The following DLGAP1 variants were observed in gnomAD, a reference collection of about 807,000 sequenced individuals.
DLGAP1 encodes disks large-associated protein 1.
In DLGAP1, 11 loss-of-function variants were observed where a neutral mutation model predicts 90.8. The ratio of observed to expected loss-of-function variants is 0.12; its 90% CI spans 0.08 to 0.20. The LOEUF (loss-of-function observed/expected upper bound fraction) is 0.20. DLGAP1 is among the 10% of genes least tolerant of loss of function. The pLI is 1.00. For missense variants in DLGAP1, 1,050 were observed against 1,333.8 expected (o/e 0.79, Z 3.31); for synonymous variants, 558 against 540.7 (o/e 1.03, Z -0.44).
intron 8 of DLGAP1, among the ~76,000 whole-genome samples, chr18:3,569,289 C>T (rs187078109): frequency 7.0e-4 from 106 of 152,026 alleles, no homozygotes; most frequent in African/African-American, 2.2e-3. Context: ...CGTGAGCCAC[C>T]GCACCTGGAC....
At chr18:4,298,877 C>A (rs552350343) in intron 1 of DLGAP1, among the ~76,000 whole-genome samples, 1 of 151,780 alleles carries the variant, frequency 6.6e-6, no homozygotes, top group African/African-American at 2.4e-5. Context: ...GTCAAGAGAT[C>A]GAAACTATCC....
chr18:4,268,724 C>A (rs946867592), intron 1 of DLGAP1, among the ~76,000 whole-genome samples: 1 of 152,058 alleles, frequency 6.6e-6, no homozygotes, highest in Non-Finnish European at 1.5e-5. Context: ...AATTATTGAA[C>A]TTGAAATACT....
intron 3 of DLGAP1, among the ~76,000 whole-genome samples, chr18:3,912,863 T>A (rs552397037): frequency 6.6e-6 from 1 of 152,276 alleles, no homozygotes; most frequent in South Asian, 2.1e-4. Context: ...AGTCCTTTGG[T>A]GACTGTGTAG....
intron 1 of DLGAP1, among the ~76,000 whole-genome samples, chr18:4,254,975 T>C (rs1169235157): frequency 6.6e-6 from 1 of 152,168 alleles, no homozygotes; most frequent in African/African-American, 2.4e-5. Context: ...CGCTGAGCCT[T>C]GAAGAGGCCA....
intron 1 of DLGAP1, among the ~76,000 whole-genome samples, chr18:4,369,666 G>A (rs574198859): frequency 1.3e-5 from 2 of 152,014 alleles, no homozygotes; most frequent in Admixed American, 1.3e-4. Flanking sequence ...GGCTCTCGGG[G>A]AATAAAGAGG....
At chr18:4,382,578 T>A (rs1331528797) in intron 1 of DLGAP1, among the ~76,000 whole-genome samples, 2 of 151,652 alleles carry the variant, frequency 1.3e-5, no homozygotes, top group Non-Finnish European at 2.9e-5. Flanking sequence ...CTGGAACAAA[T>A]CTGGAGGACA....
chr18:3,773,952 T>C (rs1023198575), intron 5 of DLGAP1, among the ~76,000 whole-genome samples: 8 of 152,152 alleles, frequency 5.3e-5, no homozygotes, highest in African/African-American at 1.9e-4. Flanking sequence ...AGCTGGGAAA[T>C]GAGACTTCTT....
At chr18:3,518,199 T>G (rs2050958080) in intron 10 of DLGAP1, among the ~76,000 whole-genome samples, 1 of 152,194 alleles carries the variant, frequency 6.6e-6, no homozygotes, top group South Asian at 2.1e-4. Context: ...AATATTATTG[T>G]GACTCAAGGC....
chr18:3,881,916 C>T (rs554298779), intron 3 of DLGAP1, among the ~76,000 whole-genome samples: 17 of 149,078 alleles, frequency 1.1e-4, no homozygotes, highest in Non-Finnish European at 1.9e-4. Context: ...CCGTCTGTCT[C>T]AGAACAAACA....
rs1598297581 is a variant in DLGAP1 at position 4,045,554 on chromosome 18, G to A, written c.-158-40353C>T. 3.3e-5 allele frequency among the ~76,000 whole-genome samples: 5 copies of A among 149,594 alleles called. No individual in the cohort carries two copies. In the South Asian group the frequency reaches 6.3e-4, roughly 19 times the overall value. On this transcript the variant is annotated intron_variant, in intron 2 of 12. Coordinates refer to ENST00000315677, the MANE Select transcript of DLGAP1 (RefSeq NM_004746.4). ...GTTGAGGCTGCAGTGAGCCATGATC[G>A]TGTCACTACTGCACTCCAGCCTGGG... is the stretch of plus-strand genomic sequence containing the variant.
intron 7 of DLGAP1, among the ~76,000 whole-genome samples, chr18:3,665,638 A>T (rs1021758559): frequency 6.6e-6 from 1 of 152,238 alleles, no homozygotes; most frequent in Non-Finnish European, 1.5e-5. Context: ...TCTGTGTACG[A>T]TATTTCATTA....
At chr18:3,784,866 G>A (rs369919945) in intron 5 of DLGAP1, among the ~76,000 whole-genome samples, 13 of 152,170 alleles carry the variant, frequency 8.5e-5, no homozygotes, top group African/African-American at 3.1e-4. Flanking sequence ...CCCTGGCCTC[G>A]TCTTCTACCC....
chr18:3,567,732 A>C (rs2054518507), intron 8 of DLGAP1, 151 bp from the exon 9 acceptor site: 4 of 667,884 alleles, frequency 6.0e-6, no homozygotes, highest in Non-Finnish European at 1.0e-5. Context: ...CACTACCTTC[A>C]CTGCACGCTC....
chr18:3,891,116 C>G (rs1244481118), intron 3 of DLGAP1, among the ~76,000 whole-genome samples: 1 of 152,192 alleles, frequency 6.6e-6, no homozygotes, highest in Non-Finnish European at 1.5e-5. Context: ...CATAAGTTTT[C>G]TTGTTCTCTT....
At chr18:3,730,321 T>A (rs1194586354) in intron 6 of DLGAP1, among the ~76,000 whole-genome samples, 1 of 152,086 alleles carries the variant, frequency 6.6e-6, no homozygotes, top group Non-Finnish European at 1.5e-5. Flanking sequence ...TAAAAAAATT[T>A]GCTACAGAAA....
intron 6 of DLGAP1, among the ~76,000 whole-genome samples, chr18:3,733,246 C>T (rs1277106691): frequency 6.6e-6 from 1 of 152,126 alleles, no homozygotes; most frequent in African/African-American, 2.4e-5. Flanking sequence ...AACCAGTGAA[C>T]GCTCATTTAG....
intron 3 of DLGAP1, among the ~76,000 whole-genome samples, chr18:4,000,054 G>A (rs7235322): frequency 0.3 from 44,956 of 152,012 alleles, 7,094 homozygotes; most frequent in African/African-American, 0.4. Flanking sequence ...AGCTCAAGCA[G>A]TCCTCCCACC....
At chr18:4,247,848 A>G (rs964901833) in intron 1 of DLGAP1, among the ~76,000 whole-genome samples, 2 of 152,186 alleles carry the variant, frequency 1.3e-5, no homozygotes, top group African/African-American at 4.8e-5. Flanking sequence ...CAAGAGGATT[A>G]AATGTCTTTT....
intron 9 of DLGAP1, among the ~76,000 whole-genome samples, chr18:3,557,244 G>A (rs111721821): frequency 0.026 from 3,980 of 152,110 alleles, 158 homozygotes; most frequent in African/African-American, 0.091. Context: ...TATTTCTGCC[G>A]GGTGCGGTGG....
Sources: gnomAD v4.1 joint callset for allele counts (sites outside exome capture counted in the v4.1 genomes callset) on GRCh38, gnomAD v4.1.1 for gene constraint, MANE v1.5 for transcripts, NCBI Gene and HGNC (gene_info 2026-07-23, HGNC 2026-07-21) for gene names.